The following CADM2 variants were observed in gnomAD, a reference collection of about 807,000 sequenced individuals.
The protein encoded by CADM2 is immunoglobulin superfamily member 4D.
A neutral mutation model predicts 49.8 loss-of-function variants in CADM2; 12 were observed. That is an observed-to-expected ratio of 0.24 (90% confidence interval 0.15 to 0.39). The LOEUF is 0.39. CADM2 is among the 10% of genes least tolerant of loss of function. The probability of loss-of-function intolerance (pLI) is 1.00; values close to 1 mark genes in which losing one functional copy is unlikely to be tolerated. For synonymous variants in CADM2, 214 were observed against 175.4 expected (o/e 1.22, Z -1.74); for missense variants, 378 against 492.3 (o/e 0.77, Z 2.20).
At chr3:85,425,737 G>C (rs1315182511) in intron 1 of CADM2, among the ~76,000 whole-genome samples, 1 of 152,254 alleles carries the variant, frequency 6.6e-6, no homozygotes, top group African/African-American at 2.4e-5. Flanking sequence ...AAGTCCAGTG[G>C]AGTCAAAGGA....
chr3:85,047,283 T>G (rs1043981028), intron 1 of CADM2, among the ~76,000 whole-genome samples: 1 of 152,110 alleles, frequency 6.6e-6, no homozygotes, highest in Non-Finnish European at 1.5e-5. Context: ...TTTTTGTCCT[T>G]CGTGACCTAC....
chr3:85,153,270 C>T (rs1352107146), intron 1 of CADM2, among the ~76,000 whole-genome samples: 8 of 152,270 alleles, frequency 5.3e-5, no homozygotes, highest in Admixed American at 3.3e-4. Context: ...TTGCCTCACT[C>T]GGGAAGTGCA....
At chr3:85,689,024 G>A (rs1253825083) in intron 1 of CADM2, among the ~76,000 whole-genome samples, 1 of 152,116 alleles carries the variant, frequency 6.6e-6, no homozygotes, top group Non-Finnish European at 1.5e-5. Flanking sequence ...CCAAAAACTG[G>A]AAACAACCTA....
chr3:85,134,329 A>AG (rs1178186647), intron 1 of CADM2, among the ~76,000 whole-genome samples: 1 of 152,194 alleles, frequency 6.6e-6, no homozygotes, highest in African/African-American at 2.4e-5. Flanking sequence ...GGCGGGCCGA[A>AG]GGGCCCCTCA....
At chr3:85,228,959 TG>T (rs2042222599) in intron 1 of CADM2, among the ~76,000 whole-genome samples, 1 of 152,052 alleles carries the variant, frequency 6.6e-6, no homozygotes, top group South Asian at 2.1e-4. Context: ...CCCAGGGAGA[TG>T]GGGGTTTTAT....
rs535621852 is a variant in CADM2, at chr3:85,509,338, C to T, written c.62-217184C>T. 5.9e-5 allele frequency among the ~76,000 whole-genome samples: 9 copies of T among 152,216 alleles called. No homozygotes were observed. In the South Asian group the frequency reaches 1.9e-3, roughly 32 times the overall value. ...CAGGGTTTCTATAAGAACCAGCCAG[C>T]ACATCATTTTGGAAACATAATCCCT... On this transcript the variant is annotated intron_variant, in intron 1 of 9. Coordinates refer to ENST00000383699, the MANE Select transcript of CADM2 (RefSeq NM_001167675.2).
At chr3:85,177,365 A>T (rs1027762157) in intron 1 of CADM2, among the ~76,000 whole-genome samples, 2 of 152,094 alleles carry the variant, frequency 1.3e-5, no homozygotes, top group Admixed American at 1.3e-4. Context: ...AAATTTATTG[A>T]AATATTTTTA....
intron 8 of CADM2, among the ~76,000 whole-genome samples, chr3:86,022,302 A>T (rs1733297013): frequency 1.3e-5 from 2 of 152,118 alleles, no homozygotes; most frequent in African/African-American, 4.8e-5. Context: ...TAATAACATG[A>T]TTTTAAATAA....
At chr3:85,593,333 A>C (rs966608242) in intron 1 of CADM2, among the ~76,000 whole-genome samples, 1 of 152,028 alleles carries the variant, frequency 6.6e-6, no homozygotes, top group African/African-American at 2.4e-5. Flanking sequence ...ACTAACGTTA[A>C]AGAAAAATCA....
intron 1 of CADM2, among the ~76,000 whole-genome samples, chr3:84,974,561 A>C (rs138814980): frequency 6.6e-6 from 1 of 152,082 alleles, no homozygotes; most frequent in East Asian, 1.9e-4. Flanking sequence ...CTGTTCTGTC[A>C]TCTTTGTGTC....
rs1210716844 is a variant in CADM2 at position 85,568,688 on chromosome 3, C to T, written c.62-157834C>T. On this transcript the variant is annotated intron_variant, in intron 1 of 9. Transcript: ENST00000383699. ...CAGGATCTCGGCTCACTGCAACCTCCGCCTCCTGGGAGCAGGCAATTCTCC... is the reference window on the plus strand; with the variant it reads ...CAGGATCTCGGCTCACTGCAACCTCTGCCTCCTGGGAGCAGGCAATTCTCC... 8.0e-5 allele frequency among the ~76,000 whole-genome samples: 12 copies of T among 149,240 alleles called. No individual in the cohort carries two copies. In the South Asian group the frequency reaches 8.5e-4, roughly 11 times the overall value.
chr3:86,052,489 T>G (rs957347291), intron 8 of CADM2, among the ~76,000 whole-genome samples: 2 of 152,174 alleles, frequency 1.3e-5, no homozygotes, highest in African/African-American at 2.4e-5. Context: ...TTCATTGGTA[T>G]GTTTGGCCTA....
chr3:85,547,557 C>T (rs60012465), intron 1 of CADM2, among the ~76,000 whole-genome samples: 15 of 152,092 alleles, frequency 9.9e-5, no homozygotes, highest in African/African-American at 3.6e-4. Flanking sequence ...AAAACTACCC[C>T]ACTCCGTGTC....
In CADM2 at chr3:85,771,727, A is replaced by G. The variant is rs184537087; in HGVS notation, c.89-30320A>G. Among the ~76,000 whole-genome samples, 5 of 152,218 alleles carry G rather than the reference A, an allele frequency of 3.3e-5. No homozygotes were observed. The East Asian group carries it at 9.7e-4, about 29-fold the overall frequency. Reference sequence around the variant, plus strand: ...GGAGAACAGGTCAGACATTTATGACACATTGATAGAATTATTTCTGAAAAG... The same window carrying G: ...GGAGAACAGGTCAGACATTTATGACGCATTGATAGAATTATTTCTGAAAAG... On this transcript the variant is annotated intron_variant, in intron 2 of 9. Coordinates refer to ENST00000383699, the MANE Select transcript of CADM2 (RefSeq NM_001167675.2).
chr3:85,124,208 G>A (rs1326058406), intron 1 of CADM2, among the ~76,000 whole-genome samples: 2 of 152,170 alleles, frequency 1.3e-5, no homozygotes, highest in Non-Finnish European at 2.9e-5. Flanking sequence ...TAAGAAGGAC[G>A]TTTATCTATT....
At chr3:85,635,076 A>G (rs2064424920) in intron 1 of CADM2, among the ~76,000 whole-genome samples, 1 of 152,090 alleles carries the variant, frequency 6.6e-6, no homozygotes, top group Non-Finnish European at 1.5e-5. Context: ...AAAGGCTTAA[A>G]TGAATGCTAG....
chr3:85,427,160 C>CTATATATATATATATATA (rs35485915), intron 1 of CADM2, among the ~76,000 whole-genome samples: 1 of 113,704 alleles, frequency 8.8e-6, no homozygotes, highest in African/African-American at 4.9e-5. Context: ...TGTATTGGAA[C>CTATATATATATATATATA]TATATATATA....
At chr3:85,678,928 T>A (rs1184038164) in intron 1 of CADM2, among the ~76,000 whole-genome samples, 1 of 152,124 alleles carries the variant, frequency 6.6e-6, no homozygotes, top group Non-Finnish European at 1.5e-5. Flanking sequence ...CTAAACATCC[T>A]GCCATTCATA....
intron 1 of CADM2, among the ~76,000 whole-genome samples, chr3:85,419,177 C>T (rs753389849): frequency 6.6e-6 from 1 of 152,036 alleles, no homozygotes; most frequent in South Asian, 2.1e-4. Flanking sequence ...CAGTGAGGGC[C>T]GGGAGTGGTG....
Sources: gnomAD v4.1 joint callset for allele counts (sites outside exome capture counted in the v4.1 genomes callset) on GRCh38, gnomAD v4.1.1 for gene constraint, MANE v1.5 for transcripts, NCBI Gene and HGNC (gene_info 2026-07-23, HGNC 2026-07-21) for gene names.